The following GNG7 variants were observed in gnomAD, a reference collection of about 807,000 sequenced individuals.
GNG7 encodes the protein G protein subunit gamma 7.
A neutral mutation model predicts 4.0 loss-of-function variants in GNG7; 1 was observed. The ratio of observed to expected loss-of-function variants is 0.25; its 90% CI spans 0.09 to 1.18. The LOEUF (loss-of-function observed/expected upper bound fraction) is 1.18. GNG7 is among the 50% of genes most tolerant of loss of function. GNG7 has a pLI of 0.50. For missense variants in GNG7, 86 were observed against 91.9 expected (o/e 0.94, Z 0.26); for synonymous variants, 34 against 36.9 (o/e 0.92, Z 0.29).
intron 2 of GNG7, among the ~76,000 whole-genome samples, chr19:2,587,406 A>G (rs540058127): frequency 1.9e-4 from 29 of 152,210 alleles, no homozygotes; most frequent in African/African-American, 6.3e-4. Context: ...CCCGGGCACA[A>G]TGTCTTCTGA....
intron 3 of GNG7, among the ~76,000 whole-genome samples, chr19:2,553,457 T>C (rs1408543761): frequency 6.8e-6 from 1 of 147,718 alleles, no homozygotes; most frequent in African/African-American, 2.5e-5. Context: ...ATATGCAATA[T>C]ATTATGTTAT....
At chr19:2,585,986 C>T (rs911799622) in intron 2 of GNG7, among the ~76,000 whole-genome samples, 5 of 152,184 alleles carry the variant, frequency 3.3e-5, no homozygotes, top group South Asian at 2.1e-4. Context: ...AGGCGTGAAC[C>T]GCCGTGCCCC....
chr19:2,544,706 T>C (rs530653932), intron 3 of GNG7, among the ~76,000 whole-genome samples: 2 of 152,080 alleles, frequency 1.3e-5, no homozygotes, highest in East Asian at 3.9e-4. Flanking sequence ...TGGCTCTTAA[T>C]TGGGGGGGTG....
rs1979425508 is a variant in GNG7 at position 2,553,646 on chromosome 19, A to G, written c.-38+1503T>C. ...ATGCACACGTTACATGTAATATGTT[A>G]TATTACATACATGCACACGTTACAT... On this transcript the variant is annotated intron_variant, in intron 3 of 4. Coordinates refer to ENST00000382159, the MANE Select transcript of GNG7 (RefSeq NM_052847.3). Among the ~76,000 whole-genome samples the G allele has an allele frequency of 3.2e-5, 3 of 94,182 alleles. No homozygotes were observed. The South Asian group carries it at 9.6e-4, about 30-fold the overall frequency. The allele number at this position is 94,182 out of a possible 152,430, so 61.8% of individuals were successfully genotyped here. A position where few individuals can be genotyped will look rare whatever the true frequency, so the allele number is the denominator to read the frequency against.
At chr19:2,696,280 AAAAG>A (rs1472198598) in intron 1 of GNG7, among the ~76,000 whole-genome samples, 2 of 133,786 alleles carry the variant, frequency 1.5e-5, no homozygotes, top group Admixed American at 1.6e-4. Context: ...GAGAGAAAGA[AAAAG>A]AGAGAGAGAG....
rs903544144 is a variant in GNG7, at chr19:2,557,212, CACAG to C, written c.-77-2028_-77-2025del. Among the ~76,000 whole-genome samples, 71 of 151,536 alleles carry C rather than the reference CACAG, an allele frequency of 4.7e-4. No homozygotes were observed. Among genetic ancestry groups the C allele is most frequent in the African/African-American group, 1.5e-3 (62 of 41,044 alleles). On this transcript the variant is annotated intron_variant, in intron 2 of 4. Coordinates refer to ENST00000382159, the MANE Select transcript of GNG7 (RefSeq NM_052847.3). This position sits in a 1 kb window ranked among gnomAD's most constrained non-coding sequence, Gnocchi z 5.1. ...ACGTGCACACACATTTGCATGCACACACAGACACACATGCACACACAGACGCACA... is the reference window on the plus strand; with the variant it reads ...ACGTGCACACACATTTGCATGCACACACACACATGCACACACAGACGCACA...
rs1337116049 is a variant in GNG7 at position 2,657,352 on chromosome 19, AAAAAAAAAAATATATAT to A, written c.-134-11089_-134-11073del. 6.1e-3 allele frequency among the ~76,000 whole-genome samples: 142 copies of A among 23,344 alleles called. 11 individuals are homozygous for A. The South Asian group carries it at 0.16, about 27-fold the overall frequency. The allele number at this position is 23,344 out of a possible 152,430, so 15.3% of individuals were successfully genotyped here. A position where few individuals can be genotyped will look rare whatever the true frequency, so the allele number is the denominator to read the frequency against. On this transcript the variant is annotated intron_variant, in intron 1 of 4. Coordinates refer to ENST00000382159, the MANE Select transcript of GNG7 (RefSeq NM_052847.3). ...CCGTCTCAATTAAAAAAAAAAAAAA[AAAAAAAAAAATATATAT>A]ATATATATATATATATATATATATA... is the stretch of plus-strand genomic sequence containing the variant.
At chr19:2,535,759 C>G (rs1452594040) in intron 3 of GNG7, among the ~76,000 whole-genome samples, 1 of 152,124 alleles carries the variant, frequency 6.6e-6, no homozygotes, top group Non-Finnish European at 1.5e-5. Context: ...ACACGGTACA[C>G]TCGGAAAGTC....
chr19:2,557,162 A>ACG lies in GNG7; in HGVS notation c.-77-1976_-77-1975dup, dbSNP rs1599389341. Among the ~76,000 whole-genome samples the ACG allele has an allele frequency of 6.6e-6, 1 of 151,098 alleles. No homozygotes were observed. The highest frequency in any genetic ancestry group is 1.5e-5 in the Non-Finnish European group (1 of 67,860). On this transcript the variant is annotated intron_variant, in intron 2 of 4. Transcript: ENST00000382159. This position sits in a 1 kb window ranked among gnomAD's most constrained non-coding sequence, Gnocchi z 5.1. ...CACTCACGCACATGCACACAAAGAC[A>ACG]CGCGCACACACGTACACACAAGACA...
chr19:2,532,525 AAGG>A (rs755011059), intron 3 of GNG7, among the ~76,000 whole-genome samples: 6 of 152,182 alleles, frequency 3.9e-5, no homozygotes, highest in Admixed American at 3.3e-4. Flanking sequence ...GGAACACCAG[AAGG>A]AGGAGAGAGA....
chr19:2,648,668 C>T (rs1982730569), intron 1 of GNG7, among the ~76,000 whole-genome samples: 1 of 152,180 alleles, frequency 6.6e-6, no homozygotes, highest in Admixed American at 6.5e-5. Context: ...AATGCCCTGG[C>T]ACCCTTGGGC....
intron 2 of GNG7, among the ~76,000 whole-genome samples, chr19:2,565,091 T>C (rs1270071825): frequency 6.6e-6 from 1 of 152,144 alleles, no homozygotes; most frequent in Non-Finnish European, 1.5e-5. Context: ...CCTGTAGCCA[T>C]GACAACAGAA....
At chr19:2,538,670 A>G (rs16989558) in intron 3 of GNG7, 153,111 of 453,348 alleles carry the variant, frequency 0.34, 29,585 homozygotes, top group African/African-American at 0.54. Context: ...TATTTTACTT[A>G]CAAGGTTCAC....
rs1981741719 is a variant in GNG7 at position 2,617,014 on chromosome 19, A to G, written c.-78+29210T>C. On this transcript the variant is annotated intron_variant, in intron 2 of 4. Transcript: ENST00000382159. This position sits in a 1 kb window ranked among gnomAD's most constrained non-coding sequence, Gnocchi z 4.7. ...GAAGGTTCTGGCATGAAAGCTTTGC[A>G]CCAGCCTTCCACCAGTGTGCTGCCC... Among the ~76,000 whole-genome samples the G allele has an allele frequency of 6.6e-6, 1 of 152,212 alleles. No individual in the cohort carries two copies.
chr19:2,624,944 C>T (rs1981979244), intron 2 of GNG7, among the ~76,000 whole-genome samples: 1 of 152,246 alleles, frequency 6.6e-6, no homozygotes, highest in Admixed American at 6.5e-5. Flanking sequence ...GAAGCCATCT[C>T]CTGGCTGTCA....
intron 2 of GNG7, among the ~76,000 whole-genome samples, chr19:2,585,253 A>G (rs1980636888): frequency 1.3e-5 from 2 of 152,340 alleles, no homozygotes; most frequent in South Asian, 4.1e-4. Flanking sequence ...GCACAATTAC[A>G]TACATATAAT....
At chr19:2,660,070 G>A (rs1415991860) in intron 1 of GNG7, among the ~76,000 whole-genome samples, 1 of 152,148 alleles carries the variant, frequency 6.6e-6, no homozygotes, top group Non-Finnish European at 1.5e-5. Flanking sequence ...GGATCACACA[G>A]CAGTCCTCAT....
intron 1 of GNG7, chr19:2,701,187 A>G (rs58619538): frequency 0.5 from 75,764 of 151,816 alleles, 19,702 homozygotes; most frequent in African/African-American, 0.65. Flanking sequence ...ACTGTTCCCC[A>G]GGGGGTTCTG....
rs147173019 is a variant in GNG7, at chr19:2,678,255, G to A, written c.-135+24391C>T. Among the ~76,000 whole-genome samples the A allele has an allele frequency of 1.3e-3, 197 of 152,278 alleles. 1 individual carries two copies. The East Asian group carries it at 0.026, about 20-fold the overall frequency. ...CATCTCAGGGCACATGCTACATTGAGGAAGTAAAACCTGGGGGGAGCGAGA... is the reference window on the plus strand; with the variant it reads ...CATCTCAGGGCACATGCTACATTGAAGAAGTAAAACCTGGGGGGAGCGAGA... On this transcript the variant is annotated intron_variant, in intron 1 of 4. Transcript: ENST00000382159.
Sources: allele counts gnomAD v4.1 joint callset (sites outside exome capture counted in the v4.1 genomes callset), GRCh38; gene constraint gnomAD v4.1.1; non-coding constraint Gnocchi (gnomAD v3.1); transcripts MANE v1.5; gene names NCBI Gene and HGNC (gene_info 2026-07-23, HGNC 2026-07-21).